The following ACAN variants were observed in gnomAD, a reference collection of about 807,000 sequenced individuals.
The protein encoded by ACAN is aggrecan core protein.
In ACAN, 47 loss-of-function variants were observed where a neutral mutation model predicts 169.1. The ratio of observed to expected loss-of-function variants is 0.28; its 90% confidence interval spans 0.22 to 0.35. ACAN has a LOEUF of 0.35. Among genes scored for constraint, ACAN ranks in the 10% least tolerant of loss-of-function variants. The pLI is 1.00. For missense variants in ACAN, 2,716 were observed against 2,759.9 expected (o/e 0.98, Z 0.36); for synonymous variants, 1,115 against 1,112.2 (o/e 1.00, Z -0.05).
intron 13 of ACAN, among the ~76,000 whole-genome samples, chr15:88,863,250 A>G (rs1271018077): frequency 2.0e-5 from 3 of 152,176 alleles, no homozygotes; most frequent in Non-Finnish European, 2.9e-5. Flanking sequence ...AAGCAAGACT[A>G]TTCTATTCTG....
At position 88,858,871 on chromosome 15, in the gene ACAN, G is replaced by C; in HGVS notation, c.6286G>C (p.Val2096Leu). The C allele has an allele frequency of 6.2e-7, 1 of 1,611,366 alleles. No homozygotes were observed. The highest frequency in any genetic ancestry group is 8.5e-7 in the Non-Finnish European group (1 of 1,178,132). The change falls in exon 12 of 19, where the codon GTC (valine) becomes CTC (leucine). Residue 2096 changes from valine (V) to leucine (L), a missense_variant. Physicochemically the swap from Val to Leu is conservative, Grantham distance 32 (BLOSUM62 1). This residue lies in a region of ACAN where 1,389 missense variants were observed against 1,363.7 expected (regional missense o/e 1.02). Coordinates refer to ENST00000560601, the MANE Select transcript of ACAN (RefSeq NM_001369268.1). The surrounding 1 kb of genome is among the most constrained non-coding windows in gnomAD (Gnocchi z 4.0). ...TGGGTCTGGAGTAGAAGTATCATCA[G>C]TCCCAGAATCTAGCAGTGAGACGTC... Reference protein sequence around the residue: ...LPGSGVEVSSVPESSSETSAY... With the variant: ...LPGSGVEVSSLPESSSETSAY...
intron 1 of ACAN, among the ~76,000 whole-genome samples, chr15:88,827,522 A>G (rs202146726): frequency 2.0e-5 from 3 of 152,016 alleles, no homozygotes; most frequent in East Asian, 1.9e-4. Flanking sequence ...CACTTGGACC[A>G]TCATTTAAAT....
intron 1 of ACAN, among the ~76,000 whole-genome samples, chr15:88,834,969 T>G (rs1839884115): frequency 1.3e-5 from 2 of 152,154 alleles, no homozygotes; most frequent in South Asian, 4.1e-4. Context: ...ATTGTGCACC[T>G]TTACACTGCG....
chr15:88,866,316 A>G lies in ACAN; in HGVS notation c.6947-1900A>G, dbSNP rs1043349489. 5.9e-5 allele frequency among the ~76,000 whole-genome samples: 9 copies of G among 152,020 alleles called. No homozygotes were observed. Among genetic ancestry groups the G allele is most frequent in the Admixed American group, 4.6e-4 (7 of 15,254 alleles). ...TCTGTACAACTGCTTTAGCACCTAC[A>G]TTTGCTTAATTCCCCTTGCCCAGTG... On this transcript the variant is annotated intron_variant, in intron 13 of 18. Coordinates refer to ENST00000560601, the MANE Select transcript of ACAN (RefSeq NM_001369268.1). This position sits in a 1 kb window ranked among gnomAD's most constrained non-coding sequence, Gnocchi z 5.6.
intron 1 of ACAN, among the ~76,000 whole-genome samples, chr15:88,831,121 C>T (rs904807236): frequency 5.9e-5 from 9 of 152,320 alleles, no homozygotes; most frequent in Admixed American, 4.6e-4. Flanking sequence ...TTCAAACTAC[C>T]AGTGTGATGT....
At chr15:88,811,020 T>A (rs1889028869) in intron 1 of ACAN, among the ~76,000 whole-genome samples, 1 of 152,072 alleles carries the variant, frequency 6.6e-6, no homozygotes, top group Non-Finnish European at 1.5e-5. Context: ...AGTGAGAAGG[T>A]CATGGCCAGC....
chr15:88,842,636 C>T (rs544122364), intron 5 of ACAN, among the ~76,000 whole-genome samples: 71 of 152,310 alleles, frequency 4.7e-4, no homozygotes, highest in African/African-American at 1.5e-3. Context: ...GGCCCCCTGC[C>T]GCATTCCCAC....
chr15:88,841,664 G>A (rs1896663976), intron 4 of ACAN, 76 bp from the exon 5 acceptor site: 4 of 1,572,906 alleles, frequency 2.5e-6, no homozygotes, highest in Admixed American at 3.4e-5. Context: ...TCCCACGGGA[G>A]GAGGATTCAA....
Position 88,858,441 on chromosome 15 carries a change from A to G in ACAN, c.5856A>G (p.Gln1952=), listed in dbSNP as rs1435917935. Residue 1952 remains glutamine, a synonymous_variant, in exon 12 of 19, where the codon CAA becomes CAG. Coordinates refer to ENST00000560601, the MANE Select transcript of ACAN (RefSeq NM_001369268.1). This position sits in a 1 kb window ranked among gnomAD's most constrained non-coding sequence, Gnocchi z 4.0. ...CTGTAACCCAGGCTCCAACAGCCCA[A>G]GAGGCAGGAGAAGGGCCTTCTGGCA... is the stretch of plus-strand genomic sequence containing the variant. ...VESVTQAPTA[Q]EAGEGPSGIL... 6.2e-7 allele frequency: 1 copy of G among 1,613,690 alleles called. No individual in the cohort carries two copies. The highest frequency in any genetic ancestry group is 8.5e-7 in the Non-Finnish European group (1 of 1,179,876).
At position 88,872,122 on chromosome 15, in the gene ACAN, G is replaced by T. The variant is rs1897395399; in HGVS notation, c.7302+37G>T. 3 of 1,580,604 alleles carry T rather than the reference G, an allele frequency of 1.9e-6. No homozygotes were observed. The highest frequency in any genetic ancestry group is 1.1e-5 in the South Asian group (1 of 90,440). ...TGTAGGCACAGCTGGTGGCCCAGGG[G>T]ACAGGGAGTGGGATAGAGACCCCTG... On this transcript the variant is annotated intron_variant, in intron 16 of 18. Coordinates refer to ENST00000560601, the MANE Select transcript of ACAN (RefSeq NM_001369268.1). This position sits in a 1 kb window ranked among gnomAD's most constrained non-coding sequence, Gnocchi z 5.4.
At chr15:88,835,141 T>G (rs746872502) in intron 1 of ACAN, among the ~76,000 whole-genome samples, 3 of 152,114 alleles carry the variant, frequency 2.0e-5, no homozygotes, top group Admixed American at 6.5e-5. Flanking sequence ...TCCCATAACC[T>G]CCTCAAGAGC....
chr15:88,862,191 C>G (rs1897207986), intron 13 of ACAN, among the ~76,000 whole-genome samples: 1 of 152,146 alleles, frequency 6.6e-6, no homozygotes, highest in Admixed American at 6.5e-5. Context: ...CTGAGGTGGT[C>G]GGATTCAAGA....
chr15:88,825,713 G>C (rs1030152611), intron 1 of ACAN, among the ~76,000 whole-genome samples: 1 of 152,194 alleles, frequency 6.6e-6, no homozygotes, highest in Non-Finnish European at 1.5e-5. Flanking sequence ...ACGACAGAGA[G>C]GCCAGAGAGG....
chr15:88,872,849 T>TCTCCTTA lies in ACAN; in HGVS notation c.7303-25_7303-19dup, dbSNP rs1254785373. On this transcript the variant is annotated intron_variant, in intron 16 of 18. Coordinates refer to ENST00000560601, the MANE Select transcript of ACAN (RefSeq NM_001369268.1). This position sits in a 1 kb window ranked among gnomAD's most constrained non-coding sequence, Gnocchi z 5.4. ...CAGGCCAACCCGCACTGTCCTGCCCTCTCCTTACTCCTTCCCCACTCCCAC... is the reference window on the plus strand; with the variant it reads ...CAGGCCAACCCGCACTGTCCTGCCCTCTCCTTACTCCTTACTCCTTCCCCACTCCCAC... 3 of 1,611,818 alleles carry TCTCCTTA rather than the reference T, an allele frequency of 1.9e-6. No individual in the cohort carries two copies. Among genetic ancestry groups the TCTCCTTA allele is most frequent in the Middle Eastern group, 4.0e-4 (2 of 4,976 alleles).
intron 1 of ACAN, among the ~76,000 whole-genome samples, chr15:88,826,361 T>C (rs566804295): frequency 9.1e-4 from 133 of 146,842 alleles, no homozygotes; most frequent in Non-Finnish European, 1.6e-3. Context: ...ATTTGTATAG[T>C]GGCCTTTTTT....
At position 88,858,130 on chromosome 15, in the gene ACAN, G is replaced by C; in HGVS notation, c.5545G>C (p.Gly1849Arg). 1 of 1,613,874 alleles carries C rather than the reference G, an allele frequency of 6.2e-7. No homozygotes were observed. The stretch of plus-strand genomic sequence containing the variant: ...CCCTACTACATTTAAAGAAGAAGAA[G>C]GCTTAGGGTCTGTGGAACTCAGTGG... ...VAPTTFKEEE[G>R]LGSVELSGLP... is the part of the protein sequence containing the mutation. The change falls in exon 12 of 19, where the codon GGC (glycine) becomes CGC (arginine). Residue 1849 changes from glycine (G) to arginine (R), a missense_variant. By Grantham distance (125) the Gly-to-Arg change is moderately radical (BLOSUM62 -2). Around this residue, in one of 3 missense-constraint regions of ACAN, gnomAD observed 1,389 missense variants for 1,363.7 expected, o/e 1.02. Coordinates refer to ENST00000560601, the MANE Select transcript of ACAN (RefSeq NM_001369268.1). This position sits in a 1 kb window ranked among gnomAD's most constrained non-coding sequence, Gnocchi z 4.0.
At chr15:88,825,380 C>T (rs1896188274) in intron 1 of ACAN, among the ~76,000 whole-genome samples, 1 of 152,172 alleles carries the variant, frequency 6.6e-6, no homozygotes, top group Non-Finnish European at 1.5e-5. Flanking sequence ...TATCTCTTCT[C>T]CTAACTGGAA....
Position 88,844,352 on chromosome 15 carries a change from C to A in ACAN, c.1051+704C>A, listed in dbSNP as rs116878754. ...GTCTTGTCATGTTGCCCAGGCTGGG[C>A]AAAATGTCATTTTACTTTATTATTA... On this transcript the variant is annotated intron_variant, in intron 6 of 18. Coordinates refer to ENST00000560601, the MANE Select transcript of ACAN (RefSeq NM_001369268.1). Among the ~76,000 whole-genome samples, 186 of 141,144 alleles carry A rather than the reference C, an allele frequency of 1.3e-3. 3 individuals are homozygous for A. The East Asian group carries it at 0.034, about 26-fold the overall frequency. The allele number at this position is 141,144 out of a possible 152,430, so 92.6% of individuals were successfully genotyped here.
At chr15:88,833,306 C>T (rs925404256) in intron 1 of ACAN, among the ~76,000 whole-genome samples, 61 of 152,186 alleles carry the variant, frequency 4.0e-4, no homozygotes, top group Non-Finnish European at 6.0e-4. Flanking sequence ...AAAGTCAATT[C>T]CCTGGTGATG....
Sources: allele counts gnomAD v4.1 joint callset (sites outside exome capture counted in the v4.1 genomes callset), GRCh38; gene constraint gnomAD v4.1.1; regional missense constraint gnomAD v4.1.1; non-coding constraint Gnocchi (gnomAD v3.1); transcripts MANE v1.5; gene names NCBI Gene and HGNC (gene_info 2026-07-23, HGNC 2026-07-21).